ARPP21: variants seen among roughly 807,000 people sequenced by gnomAD.
ARPP21 encodes the protein cAMP regulated phosphoprotein 21.
Under a neutral mutation model 113.2 loss-of-function variants are expected in ARPP21, and 69 were observed. The observed-to-expected ratio is 0.61, with a 90% CI of 0.50 to 0.74. The LOEUF (loss-of-function observed/expected upper bound fraction) is 0.74, where lower values mean the gene tolerates loss of function less well. Ranked by LOEUF, ARPP21 falls within the 30% of genes least tolerant of loss-of-function variation. The pLI is 0.00. For missense variants in ARPP21, 1,070 were observed against 1,037.4 expected (o/e 1.03, Z -0.43); for synonymous variants, 368 against 375.5 (o/e 0.98, Z 0.23).
At position 35,738,330 on chromosome 3, in the gene ARPP21, T is replaced by A. The variant is rs746431280; in HGVS notation, c.1749+12T>A. ...AGCACTTTCCCATGGTACTGTATTA[T>A]GTGTATATGACTTTTTCCCCTAGGA... On this transcript the variant is annotated intron_variant, in intron 17 of 20. Transcript: ENST00000684406. The A allele has an allele frequency of 2.6e-6, 4 of 1,510,326 alleles. No individual in the cohort carries two copies. The highest frequency in any genetic ancestry group is 2.8e-5 in the African/African-American group (2 of 72,402). 93.6% of individuals were successfully genotyped at this position (1,510,326 alleles called of 1,614,324 possible).
At chr3:35,727,306 C>G (rs1310702364) in intron 14 of ARPP21, among the ~76,000 whole-genome samples, 2 of 152,176 alleles carry the variant, frequency 1.3e-5, no homozygotes, top group Admixed American at 1.3e-4. Flanking sequence ...AGACCAAATT[C>G]CAGCTCTGCC....
At chr3:35,774,781 T>A (rs2151590701) in intron 19 of ARPP21, 1 of 152,334 alleles carries the variant, frequency 6.6e-6, no homozygotes, top group Non-Finnish European at 1.5e-5. Flanking sequence ...AGAAATTTTA[T>A]GCAAAATAAC....
At chr3:35,766,853 A>G (rs1227962017) in intron 19 of ARPP21, among the ~76,000 whole-genome samples, 1 of 149,876 alleles carries the variant, frequency 6.7e-6, no homozygotes, top group Non-Finnish European at 1.5e-5. Context: ...GTGTGTGTGT[A>G]CATGAATATA....
Position 35,794,023 on chromosome 3 carries a change from TG to T in ARPP21, c.*68del, listed in dbSNP as rs1310125680. 6.9e-7 allele frequency: 1 copy of T among 1,446,382 alleles called. No homozygotes were observed. Among genetic ancestry groups the T allele is most frequent in the Non-Finnish European group, 9.5e-7 (1 of 1,055,370 alleles). 89.6% of individuals were successfully genotyped at this position (1,446,382 alleles called of 1,614,324 possible). A position where few individuals can be genotyped will look rare whatever the true frequency, so the allele number is the denominator to read the frequency against. ...GGCCTTTGATGGAAGAGGAACAAGG[TG>T]GGAAAACTGGCTGAGGACTTAAGTA... On this transcript the variant is annotated 3_prime_UTR_variant, in exon 21 of 21. Coordinates refer to ENST00000684406, the MANE Select transcript of ARPP21 (RefSeq NM_001385562.1).
At chr3:35,732,323 G>T (rs929712861) in intron 15 of ARPP21, among the ~76,000 whole-genome samples, 2 of 152,120 alleles carry the variant, frequency 1.3e-5, no homozygotes, top group Admixed American at 1.3e-4. Flanking sequence ...ATATACCCTT[G>T]CAGTTTCCCC....
chr3:35,648,378 G>T (rs1701070665), intron 1 of ARPP21, among the ~76,000 whole-genome samples: 1 of 152,136 alleles, frequency 6.6e-6, no homozygotes, highest in Non-Finnish European at 1.5e-5. Context: ...AATCCATGAA[G>T]GAAAAACCTA....
At chr3:35,667,750 T>A (rs1004850778) in intron 1 of ARPP21, among the ~76,000 whole-genome samples, 2 of 151,624 alleles carry the variant, frequency 1.3e-5, no homozygotes, top group Non-Finnish European at 2.9e-5. Context: ...TATAATGAAA[T>A]TTTGCAATGG....
At chr3:35,667,948 AAAGAAGAAGAAG>A (rs4025938) in intron 1 of ARPP21, among the ~76,000 whole-genome samples, 5,354 of 57,998 alleles carry the variant, frequency 0.092, 344 homozygotes, top group Middle Eastern at 0.14. Flanking sequence ...GAGAAGAAGA[AAAGAAGAAGAAG>A]AAGAAGAAGA....
chr3:35,737,408 A>G, intron 16 of ARPP21, 46 bp downstream of exon 16: 1 of 1,337,672 alleles, frequency 7.5e-7, no homozygotes, highest in Non-Finnish European at 1.0e-6. Context: ...CCCTGAGATG[A>G]AGGCTACATA....
chr3:35,644,645 A>C (rs1434526348), intron 1 of ARPP21, among the ~76,000 whole-genome samples: 1 of 151,910 alleles, frequency 6.6e-6, no homozygotes, highest in African/African-American at 2.4e-5. Flanking sequence ...AAGTGAATTG[A>C]AATAATTACA....
intron 1 of ARPP21, chr3:35,679,540 A>G (rs1394339744): frequency 6.6e-6 from 1 of 151,500 alleles, no homozygotes. Flanking sequence ...GAAGTGAGTA[A>G]TCTTCGGTGC....
At chr3:35,667,203 A>G (rs926509331) in intron 1 of ARPP21, among the ~76,000 whole-genome samples, 1 of 152,218 alleles carries the variant, frequency 6.6e-6, no homozygotes, top group Non-Finnish European at 1.5e-5. Context: ...TCCAATAAGT[A>G]TATTTAAATT....
At chr3:35,744,924 C>T (rs2094925213) in intron 19 of ARPP21, among the ~76,000 whole-genome samples, 1 of 152,192 alleles carries the variant, frequency 6.6e-6, no homozygotes. Flanking sequence ...TCACAGACAT[C>T]CTAAGAATAC....
chr3:35,726,775 G>A lies in ARPP21; in HGVS notation c.1226-2528G>A, dbSNP rs1397490955. ...TTATAGCTCAAATCTGAGTTAGGAC[G>A]TGCTCCCTTGGCCCCAACTCTTTTT... On this transcript the variant is annotated intron_variant, in intron 14 of 20. Transcript: ENST00000684406. Among the ~76,000 whole-genome samples, 6 of 152,156 alleles carry A rather than the reference G, an allele frequency of 3.9e-5. No individual in the cohort carries two copies. The South Asian group carries it at 8.3e-4, about 21-fold the overall frequency.
chr3:35,740,829 G>A (rs1188839721), intron 18 of ARPP21, among the ~76,000 whole-genome samples: 1 of 152,084 alleles, frequency 6.6e-6, no homozygotes, highest in Non-Finnish European at 1.5e-5. Context: ...CAGGCTTAGT[G>A]GCTCAGACCT....
At chr3:35,783,479 T>C (rs1225467591) in intron 19 of ARPP21, among the ~76,000 whole-genome samples, 1 of 152,132 alleles carries the variant, frequency 6.6e-6, no homozygotes, top group Non-Finnish European at 1.5e-5. Flanking sequence ...TTTCTGACAG[T>C]TCACATCCTA....
chr3:35,732,162 G>A (rs918774547), intron 15 of ARPP21, among the ~76,000 whole-genome samples: 4 of 151,904 alleles, frequency 2.6e-5, no homozygotes, highest in African/African-American at 4.8e-5. Context: ...TTTTAAGCAA[G>A]AATAAGACAA....
At chr3:35,754,505 G>GA (rs2095508123) in intron 19 of ARPP21, among the ~76,000 whole-genome samples, 1 of 151,842 alleles carries the variant, frequency 6.6e-6, no homozygotes, top group Admixed American at 6.6e-5. Flanking sequence ...ATATTAGTTT[G>GA]AAAAAAGTTT....
Position 35,709,026 on chromosome 3 carries a change from G to C in ARPP21, c.853G>C (p.Glu285Gln), listed in dbSNP as rs1268286716. 6.2e-7 allele frequency: 1 copy of C among 1,613,888 alleles called. No homozygotes were observed. The highest frequency in any genetic ancestry group is 1.1e-5 in the South Asian group (1 of 91,074). ...DRRSKSIEER[E>Q]EEYQRVRERI... ...ACGAAGTAAATCAATTGAAGAGAGA[G>C]AAGAGGAATATCAGAGAGTGAGGGA... Residue 285 changes from glutamate (E) to glutamine (Q), a missense_variant, in exon 11 of 21, where the codon GAA becomes CAA. Coordinates refer to ENST00000684406, the MANE Select transcript of ARPP21 (RefSeq NM_001385562.1).
Sources: gnomAD v4.1 joint callset for allele counts (sites outside exome capture counted in the v4.1 genomes callset) on GRCh38, gnomAD v4.1.1 for gene constraint, MANE v1.5 for transcripts, NCBI Gene and HGNC (gene_info 2026-07-23, HGNC 2026-07-21) for gene names.